Variants in FER1L6 observed in about 807,000 individuals in gnomAD.
The protein encoded by FER1L6 is fer-1-like protein 6.
A neutral mutation model predicts 219.2 loss-of-function variants in FER1L6; 177 were observed. The ratio of observed to expected loss-of-function variants is 0.81; its 90% confidence interval spans 0.71 to 0.91. FER1L6 has a LOEUF of 0.91. FER1L6 is among the 40% of genes least tolerant of loss of function. The pLI is 0.00. For missense variants in FER1L6, 2,153 were observed against 2,259.9 expected (o/e 0.95, Z 0.96); for synonymous variants, 768 against 824.3 (o/e 0.93, Z 1.17).
intron 13 of FER1L6, among the ~76,000 whole-genome samples, chr8:124,005,193 T>C (rs1817603674): frequency 6.6e-6 from 1 of 152,194 alleles, no homozygotes; most frequent in Non-Finnish European, 1.5e-5. Context: ...TCCTACCTGG[T>C]TTGAATCTTA....
chr8:123,856,306 A>ATGTG lies in FER1L6; in HGVS notation c.-8+4122_-8+4123insGTGT, dbSNP rs1397663136. Among the ~76,000 whole-genome samples, 317 of 74,942 alleles carry ATGTG rather than the reference A, an allele frequency of 4.2e-3. 48 individuals carry two copies. The highest frequency in any genetic ancestry group is 0.018 in the African/African-American group (302 of 17,222). 49.2% of individuals were successfully genotyped at this position (74,942 alleles called of 152,430 possible). A position where few individuals can be genotyped will look rare whatever the true frequency, so the allele number is the denominator to read the frequency against. On this transcript the variant is annotated intron_variant, in intron 1 of 40. Coordinates refer to ENST00000522917, the MANE Select transcript of FER1L6 (RefSeq NM_001039112.2). The stretch of plus-strand genomic sequence containing the variant: ...TATGTGTGTGTGTATATATATATAT[A>ATGTG]TATGTATGTGTATATATATATATAT...
intron 30 of FER1L6, among the ~76,000 whole-genome samples, chr8:124,071,115 G>T (rs867580149): frequency 2.7e-4 from 41 of 152,202 alleles, no homozygotes; most frequent in Admixed American, 1.2e-3. Flanking sequence ...CCAGCTGCAT[G>T]ATCTGGAACA....
Position 123,970,065 on chromosome 8 carries a change from G to A in FER1L6, c.415G>A (p.Val139Met). 6.2e-7 allele frequency: 1 copy of A among 1,614,040 alleles called. No individual in the cohort carries two copies. Among genetic ancestry groups the A allele is most frequent in the Non-Finnish European group, 8.5e-7 (1 of 1,179,958 alleles). Residue 139 changes from valine (V) to methionine (M), a missense_variant, in exon 6 of 41, where the codon GTG (valine) becomes ATG (methionine). Physicochemically the swap from Val to Met is conservative, Grantham distance 21. Coordinates refer to ENST00000522917, the MANE Select transcript of FER1L6 (RefSeq NM_001039112.2). ...YFVFDFIGPQ[V>M]HLFDKIIKIS... is the part of the protein sequence containing the mutation. ...TGTCTTCGACTTCATTGGGCCCCAA[G>A]TGCATCTTTTTGACAAGATCATCAA...
intron 1 of FER1L6, among the ~76,000 whole-genome samples, chr8:123,884,111 C>T (rs920515407): frequency 1.2e-4 from 19 of 152,352 alleles, no homozygotes; most frequent in Admixed American, 4.6e-4. Flanking sequence ...CTACAAATCA[C>T]ACCACTGTGC....
chr8:124,112,646 T>A (rs10105799), intron 39 of FER1L6, among the ~76,000 whole-genome samples: 4,001 of 152,278 alleles, frequency 0.026, 163 homozygotes, highest in African/African-American at 0.087. Context: ...ACCAAAACTC[T>A]AAGGGAGGTT....
chr8:123,985,926 G>T (rs939553726), intron 11 of FER1L6, 142 bp from the exon 12 acceptor site: 7 of 602,336 alleles, frequency 1.2e-5, no homozygotes, highest in Non-Finnish European at 1.5e-5. Flanking sequence ...GTCTTATTTG[G>T]GGGGAAACGC....
chr8:123,857,327 G>A (rs967995501), intron 1 of FER1L6, among the ~76,000 whole-genome samples: 41 of 152,224 alleles, frequency 2.7e-4, no homozygotes, highest in African/African-American at 9.4e-4. Flanking sequence ...ATGGGTGACA[G>A]AGACTCCATA....
Position 124,060,235 on chromosome 8 carries a change from A to G in FER1L6, c.2930A>G (p.Gln977Arg), listed in dbSNP as rs1181151357. The change falls in exon 23 of 41, where the codon CAG becomes CGG. Residue 977 changes from glutamine (Q) to arginine (R), a missense_variant. Physicochemically the swap from Gln to Arg is conservative, Grantham distance 43 (BLOSUM62 1). Transcript: ENST00000522917. ...CCCGTTGAGCCACCAGACATCACCCAGATCTACCCGGTTCCTGCCAACATT... is the reference window on the plus strand; with the variant it reads ...CCCGTTGAGCCACCAGACATCACCCGGATCTACCCGGTTCCTGCCAACATT... ...LPPVEPPDIT[Q>R]IYPVPANIRP... 1.9e-6 allele frequency: 3 copies of G among 1,614,030 alleles called. No individual in the cohort carries two copies. The highest frequency in any genetic ancestry group is 2.5e-6 in the Non-Finnish European group (3 of 1,180,012).
At chr8:123,994,074 G>T (rs550890765) in intron 12 of FER1L6, among the ~76,000 whole-genome samples, 1 of 152,320 alleles carries the variant, frequency 6.6e-6, no homozygotes, top group Admixed American at 6.5e-5. Flanking sequence ...ACCTGAAGGT[G>T]CTGTAATAGA....
intron 39 of FER1L6, among the ~76,000 whole-genome samples, chr8:124,118,248 A>T (rs144581866): frequency 2.3e-4 from 35 of 152,336 alleles, no homozygotes; most frequent in African/African-American, 8.2e-4. Flanking sequence ...CCTGACAGAA[A>T]CTATGGCATA....
At chr8:123,870,068 T>C (rs1412236526) in intron 1 of FER1L6, among the ~76,000 whole-genome samples, 1 of 152,248 alleles carries the variant, frequency 6.6e-6, no homozygotes, top group Non-Finnish European at 1.5e-5. Context: ...AAGTCATTTG[T>C]CATTAGTGAA....
Position 123,853,009 on chromosome 8 carries a change from T to C in FER1L6, c.-8+824T>C, listed in dbSNP as rs1262619816. 6.6e-6 allele frequency among the ~76,000 whole-genome samples: 1 copy of C among 152,142 alleles called. No individual in the cohort carries two copies. Among genetic ancestry groups the C allele is most frequent in the Non-Finnish European group, 1.5e-5 (1 of 68,026 alleles). On this transcript the variant is annotated intron_variant, in intron 1 of 40. Coordinates refer to ENST00000522917, the MANE Select transcript of FER1L6 (RefSeq NM_001039112.2). The surrounding 1 kb of genome is among the most constrained non-coding windows in gnomAD (Gnocchi z 6.6). ...TCTATTTAGCTACCTATCAGATCAA[T>C]TTTATTCTTATTTTTGTAGAGACGG...
chr8:123,923,535 T>C (rs1053658042), intron 1 of FER1L6, among the ~76,000 whole-genome samples: 1 of 152,094 alleles, frequency 6.6e-6, no homozygotes, highest in Non-Finnish European at 1.5e-5. Context: ...TGCATAAGAG[T>C]AGCCAATTTA....
chr8:124,086,130 G>A (rs186020416), intron 33 of FER1L6, among the ~76,000 whole-genome samples: 228 of 146,432 alleles, frequency 1.6e-3, no homozygotes, highest in Middle Eastern at 6.9e-3. Context: ...TGTAGGCAAC[G>A]GAGTATTGGG....
chr8:123,980,654 C>T lies in FER1L6; in HGVS notation c.1253C>T (p.Ala418Val). The change falls in exon 11 of 41, where the codon GCC becomes GTC. Residue 418 changes from alanine (A) to valine (V), a missense_variant. By Grantham distance (64) the Ala-to-Val change is moderately conservative. Coordinates refer to ENST00000522917, the MANE Select transcript of FER1L6 (RefSeq NM_001039112.2). ...GCACAGGAATCTAAATTTTCCAAGG[C>T]CCTGAAGGAGCTCAAGTTGCCTTCC... ...GRAQESKFSKALKELKLPSKD... is the reference protein window; with the variant it reads ...GRAQESKFSKVLKELKLPSKD... 1.9e-6 allele frequency: 3 copies of T among 1,614,120 alleles called. No individual in the cohort carries two copies. The South Asian group carries it at 3.3e-5, about 18-fold the overall frequency.
Position 124,094,876 on chromosome 8 carries a change from T to C in FER1L6, c.4553-20T>C. The stretch of plus-strand genomic sequence containing the variant: ...CTTGCAGGAACACACATCTGACAAG[T>C]TTGTCTTTCTTTCCTGCAGATGAGA... On this transcript the variant is annotated intron_variant, in intron 34 of 40. Transcript: ENST00000522917. 6.2e-7 allele frequency: 1 copy of C among 1,613,528 alleles called. No homozygotes were observed. The highest frequency in any genetic ancestry group is 8.5e-7 in the Non-Finnish European group (1 of 1,179,592).
intron 1 of FER1L6, among the ~76,000 whole-genome samples, chr8:123,857,870 C>T (rs561146525): frequency 6.6e-6 from 1 of 152,208 alleles, no homozygotes; most frequent in South Asian, 2.1e-4. Flanking sequence ...TATATGTTCA[C>T]GTCTGTTCTC....
At chr8:124,102,361 C>T (rs1822582276) in intron 38 of FER1L6, among the ~76,000 whole-genome samples, 1 of 152,018 alleles carries the variant, frequency 6.6e-6, no homozygotes, top group Admixed American at 6.5e-5. Context: ...GTACAGGATA[C>T]ATTAAGTGAA....
intron 1 of FER1L6, among the ~76,000 whole-genome samples, chr8:123,911,927 G>T (rs565080906): frequency 4.3e-4 from 65 of 152,282 alleles, no homozygotes; most frequent in African/African-American, 1.5e-3. Context: ...TGGCGTGTGC[G>T]CTGTGAAGTC....
Sources: allele counts gnomAD v4.1 joint callset (sites outside exome capture counted in the v4.1 genomes callset), GRCh38; gene constraint gnomAD v4.1.1; non-coding constraint Gnocchi (gnomAD v3.1); transcripts MANE v1.5; gene names NCBI Gene and HGNC (gene_info 2026-07-23, HGNC 2026-07-21).